LRIG2: variants seen among roughly 807,000 people sequenced by gnomAD.
LRIG2 encodes the protein leucine-rich repeats and immunoglobulin-like domains protein 2.
LRIG2 carries 93 observed loss-of-function variants against 107.8 expected under a neutral mutation model. The observed-to-expected ratio is 0.86, with a 90% CI of 0.73 to 1.03. The LOEUF is 1.03. Among genes scored for constraint, LRIG2 ranks in the 50% least tolerant of loss-of-function variants. LRIG2 has a pLI of 0.00. For synonymous variants in LRIG2, 471 were observed against 470.6 expected (o/e 1.00, Z -0.01); for missense variants, 1,226 against 1,296.0 (o/e 0.95, Z 0.83).
intron 11 of LRIG2, among the ~76,000 whole-genome samples, chr1:113,106,565 C>T (rs757220567): frequency 2.0e-5 from 3 of 152,024 alleles, no homozygotes; most frequent in East Asian, 3.9e-4. Flanking sequence ...TGTGCAGTGG[C>T]GTGATCTCGG....
Position 113,110,233 on chromosome 1 carries a change from T to TC in LRIG2, c.1478-5dup. On this transcript the variant is annotated splice_polypyrimidine_tract_variant and intron_variant, in intron 12 of 17. Coordinates refer to ENST00000361127, the MANE Select transcript of LRIG2 (RefSeq NM_014813.3). ...TGACTTGGCTACGGATGCATTTTTTTCCCCTTAGATGATTTTCTCAAGCCA... is the reference window on the plus strand; with the variant it reads ...TGACTTGGCTACGGATGCATTTTTTTCCCCCTTAGATGATTTTCTCAAGCCA... 2 of 1,555,454 alleles carry TC rather than the reference T, an allele frequency of 1.3e-6. No homozygotes were observed. The highest frequency in any genetic ancestry group is 1.7e-6 in the Non-Finnish European group (2 of 1,149,522).
chr1:113,081,967 A>G (rs1000952064), intron 1 of LRIG2, among the ~76,000 whole-genome samples: 3 of 152,228 alleles, frequency 2.0e-5, no homozygotes, highest in African/African-American at 7.2e-5. Flanking sequence ...ACTGGATATT[A>G]GTGGCCAAGT....
chr1:113,117,609 A>T (rs1415069224), intron 16 of LRIG2, among the ~76,000 whole-genome samples: 1 of 150,010 alleles, frequency 6.7e-6, no homozygotes, highest in East Asian at 2.0e-4. Context: ...TCAGCCTCCT[A>T]AGTAGCTGGG....
chr1:113,116,447 TG>T lies in LRIG2; in HGVS notation c.2680+12del. ...ACAAAGGCACTGACGGTAATGACTC[TG>T]TTGTTTATGGTTACAATTTCAGCCT... On this transcript the variant is annotated intron_variant, in intron 16 of 17. Coordinates refer to ENST00000361127, the MANE Select transcript of LRIG2 (RefSeq NM_014813.3). 1 of 1,585,842 alleles carries T rather than the reference TG, an allele frequency of 6.3e-7. No individual in the cohort carries two copies. Among genetic ancestry groups the T allele is most frequent in the East Asian group, 2.3e-5 (1 of 43,782 alleles).
intron 16 of LRIG2, among the ~76,000 whole-genome samples, chr1:113,116,914 G>T (rs1167734966): frequency 6.6e-6 from 1 of 152,178 alleles, no homozygotes; most frequent in East Asian, 1.9e-4. Context: ...GTTCGAGGCT[G>T]TATTGTGCTG....
Position 113,123,941 on chromosome 1 carries a change from A to G in LRIG2, c.3038A>G (p.Gln1013Arg), listed in dbSNP as rs1299075893. ...ELGLPHPPFS[Q>R]QPVHESPQLH... Reference sequence around the variant, plus strand: ...GGCCTGCCTCATCCTCCTTTTTCCCAGCAGCCAGTCCATGAGTCACCACAA... The same window carrying G: ...GGCCTGCCTCATCCTCCTTTTTCCCGGCAGCCAGTCCATGAGTCACCACAA... Residue 1013 changes from glutamine (Q) to arginine (R), a missense_variant, in exon 18 of 18, where the codon CAG (glutamine) becomes CGG (arginine). By Grantham distance (43) the Gln-to-Arg change is conservative. Transcript: ENST00000361127. 4 of 1,614,170 alleles carry G rather than the reference A, an allele frequency of 2.5e-6. No individual in the cohort carries two copies. In the East Asian group the frequency reaches 6.7e-5, roughly 27 times the overall value.
At chr1:113,117,630 C>T (rs895050841) in intron 16 of LRIG2, among the ~76,000 whole-genome samples, 3 of 151,970 alleles carry the variant, frequency 2.0e-5, no homozygotes, top group South Asian at 2.1e-4. Context: ...ATTACAGGTG[C>T]GTGCCACCAT....
At position 113,128,206 on chromosome 1, in the gene LRIG2, G is replaced by A. The variant is rs1161747454; in HGVS notation, c.*4105G>A. On this transcript the variant is annotated 3_prime_UTR_variant, in exon 18 of 18. Transcript: ENST00000361127. ...GCAGCAGCACTTCTTGAGCTGTTTAGTACTGCCACACCTTTTTATGTCTTT... is the reference window on the plus strand; with the variant it reads ...GCAGCAGCACTTCTTGAGCTGTTTAATACTGCCACACCTTTTTATGTCTTT... The A allele has an allele frequency of 6.6e-6, 1 of 152,096 alleles. No homozygotes were observed. The highest frequency in any genetic ancestry group is 1.5e-5 in the Non-Finnish European group (1 of 68,030). The allele number at this position is 152,096 out of a possible 1,614,324, so 9.4% of individuals were successfully genotyped here.
rs1654936158 is a variant in LRIG2, at chr1:113,114,825, G to C, written c.2479G>C (p.Val827Leu). The C allele has an allele frequency of 1.9e-6, 3 of 1,613,666 alleles. No homozygotes were observed. In the South Asian group the frequency reaches 3.3e-5, roughly 18 times the overall value. Residue 827 changes from valine to leucine, a missense_variant, in exon 15 of 18, where the codon GTT (valine) becomes CTT (leucine). Val to Leu is a conservative substitution (Grantham distance 32). Around this residue, in one of 3 missense-constraint regions of LRIG2, gnomAD observed 642 missense variants for 712.2 expected, o/e 0.90. Transcript: ENST00000361127. ...TGGCACTTCTTTGATCTGGGTCATT[G>C]TTATTTACCACATGAGAAGGAAAAA... is the stretch of plus-strand genomic sequence containing the variant. ...VVGTSLIWVI[V>L]IYHMRRKNED...
intron 17 of LRIG2, among the ~76,000 whole-genome samples, chr1:113,123,314 C>G (rs1344753725): frequency 6.6e-6 from 1 of 152,194 alleles, no homozygotes; most frequent in Non-Finnish European, 1.5e-5. Flanking sequence ...GTGGCTCACG[C>G]CTGTAATCCC....
chr1:113,073,295 G>T lies in LRIG2; in HGVS notation c.-112G>T. ...ATGCCTTTAGATGGTACAGCCTTCA[G>T]CCGGGGCTTCGGGAGACAGTGCAGC... On this transcript the variant is annotated 5_prime_UTR_variant, in exon 1 of 18. Transcript: ENST00000361127. The T allele has an allele frequency of 4.5e-6, 4 of 887,828 alleles. No homozygotes were observed. The highest frequency in any genetic ancestry group is 3.6e-6 in the Non-Finnish European group (2 of 549,874). 55.0% of individuals were successfully genotyped at this position (887,828 alleles called of 1,614,324 possible). A position where few individuals can be genotyped will look rare whatever the true frequency, so the allele number is the denominator to read the frequency against.
chr1:113,116,962 G>A (rs1275699969), intron 16 of LRIG2, among the ~76,000 whole-genome samples: 1 of 152,124 alleles, frequency 6.6e-6, no homozygotes, highest in Non-Finnish European at 1.5e-5. Flanking sequence ...CTCTAGCCTG[G>A]ACAACATAGC....
chr1:113,076,828 A>C (rs1402985923), intron 1 of LRIG2, among the ~76,000 whole-genome samples: 1 of 152,136 alleles, frequency 6.6e-6, no homozygotes, highest in African/African-American at 2.4e-5. Context: ...AACTCTCTAG[A>C]ATATTATTTG....
chr1:113,085,778 A>C (rs1653520218), intron 1 of LRIG2, among the ~76,000 whole-genome samples: 1 of 152,188 alleles, frequency 6.6e-6, no homozygotes, highest in Admixed American at 6.5e-5. Flanking sequence ...ATTTTGTAAA[A>C]AGTTAAGTAG....
intron 9 of LRIG2, 23 bp downstream of exon 9, chr1:113,098,808 A>C: frequency 7.3e-7 from 1 of 1,378,340 alleles, no homozygotes; most frequent in Non-Finnish European, 1.0e-6. Context: ...ATATTTATGT[A>C]TGTCTACATA....
chr1:113,118,582 CAG>C (rs753423149), intron 16 of LRIG2, among the ~76,000 whole-genome samples: 1 of 152,226 alleles, frequency 6.6e-6, no homozygotes, highest in African/African-American at 2.4e-5. Context: ...CCACAATAGA[CAG>C]AGATGGTTCA....
intron 11 of LRIG2, 76 bp from the exon 12 acceptor site, chr1:113,107,518 G>A (rs896518869): frequency 7.5e-7 from 1 of 1,334,294 alleles, no homozygotes; most frequent in South Asian, 1.4e-5. Context: ...ATAGGTGTGT[G>A]GTAAGGTTTT....
chr1:113,095,752 T>C, intron 6 of LRIG2, 122 bp from the exon 7 acceptor site: 2 of 846,362 alleles, frequency 2.4e-6, no homozygotes, highest in Non-Finnish European at 3.8e-6. Context: ...TGAATAGAAT[T>C]GGTCAGCTCA....
chr1:113,085,365 C>T (rs547911982), intron 1 of LRIG2, among the ~76,000 whole-genome samples: 11 of 152,294 alleles, frequency 7.2e-5, no homozygotes, highest in Admixed American at 5.9e-4. Context: ...CTCACCGCAA[C>T]CTCCGCCTCC....
Sources: gnomAD v4.1 joint callset for allele counts (sites outside exome capture counted in the v4.1 genomes callset) on GRCh38, gnomAD v4.1.1 for gene constraint, gnomAD v4.1.1 regional missense constraint, MANE v1.5 for transcripts, NCBI Gene and HGNC (gene_info 2026-07-23, HGNC 2026-07-21) for gene names.